KIF5B: variants seen among roughly 807,000 people sequenced by gnomAD.
The protein encoded by KIF5B is kinesin family member 5B.
In KIF5B, 49 loss-of-function variants were observed where a neutral mutation model predicts 132.8. The ratio of observed to expected loss-of-function variants is 0.37; its 90% CI spans 0.29 to 0.47. KIF5B has a LOEUF of 0.47. Ranked by LOEUF, KIF5B falls within the 20% of genes least tolerant of loss-of-function variation. The pLI is 1.00. For synonymous variants in KIF5B, 355 were observed against 369.4 expected, an observed-to-expected ratio of 0.96 and a Z score of 0.45; for missense variants, 780 against 1,144.0, an observed-to-expected ratio of 0.68 and a Z score of 4.59.
intron 14 of KIF5B, 95 bp downstream of exon 14, chr10:32,030,978 T>C: frequency 1.2e-6 from 1 of 837,488 alleles, no homozygotes; most frequent in Non-Finnish European, 1.8e-6. Context: ...GTTATCGATA[T>C]TTGACTTACA....
chr10:32,021,092 G>A lies in KIF5B; in HGVS notation c.2134C>T (p.His712Tyr). 3 of 1,613,674 alleles carry A rather than the reference G, an allele frequency of 1.9e-6. No individual in the cohort carries two copies. The highest frequency in any genetic ancestry group is 1.1e-5 in the South Asian group (1 of 91,058). ...CTCAAACTACTGATCTGTTTTTGAT[G>A]AGTTTCTCTATGGCTCTGGATCTGC... ...EQQIQSHRET[H>Y]QKQISSLRDE... Residue 712 changes from histidine to tyrosine, a missense_variant, in exon 19 of 26, where the codon CAT becomes TAT. His to Tyr is a moderately conservative substitution (Grantham distance 83). This residue lies in a region of KIF5B where 471 missense variants were observed against 569.9 expected (regional missense o/e 0.83). Coordinates refer to ENST00000302418, the MANE Select transcript of KIF5B (RefSeq NM_004521.3).
chr10:32,023,928 A>G (rs1841298013), intron 15 of KIF5B, among the ~76,000 whole-genome samples: 1 of 151,930 alleles, frequency 6.6e-6, no homozygotes, highest in Admixed American at 6.6e-5. Flanking sequence ...AATCTAGGTG[A>G]TATTGGGTTT....
chr10:32,042,801 G>T (rs1338182896), intron 2 of KIF5B, among the ~76,000 whole-genome samples: 1 of 152,138 alleles, frequency 6.6e-6, no homozygotes, highest in East Asian at 1.9e-4. Context: ...TCACGTTGTA[G>T]AAAGTCACTT....
rs1260238527 is a variant in KIF5B, at chr10:32,028,479, T to C, written c.1674A>G (p.Leu558=). The part of the protein sequence containing the change: ...KKRAAEMMAS[L]LKDLAEIGIA... Reference sequence around the variant, plus strand: ...TTCCTATTTCTGCAAGGTCTTTTAGTAAAGATGCCATCATCTCAGCTGCTC... The same window carrying C: ...TTCCTATTTCTGCAAGGTCTTTTAGCAAAGATGCCATCATCTCAGCTGCTC... Residue 558 remains leucine, a synonymous_variant, in exon 15 of 26, where the codon TTA becomes TTG. Coordinates refer to ENST00000302418, the MANE Select transcript of KIF5B (RefSeq NM_004521.3). 1.2e-6 allele frequency: 2 copies of C among 1,613,512 alleles called. No individual in the cohort carries two copies. Among genetic ancestry groups the C allele is most frequent in the East Asian group, 2.2e-5 (1 of 44,862 alleles).
At chr10:32,018,691 A>AT (rs753291278) in intron 20 of KIF5B, 129 bp from the exon 21 acceptor site, 33 of 685,586 alleles carry the variant, frequency 4.8e-5, no homozygotes, top group Non-Finnish European at 6.9e-5. Context: ...CAAGATGCCT[A>AT]TTTTAAACAA....
chr10:32,026,090 G>C (rs940534481), intron 15 of KIF5B, among the ~76,000 whole-genome samples: 1 of 152,130 alleles, frequency 6.6e-6, no homozygotes, highest in Admixed American at 6.5e-5. Context: ...AGAATACAAT[G>C]AGTACAACAA....
In KIF5B at chr10:32,056,046, T is replaced by G. The variant is rs1841758922; in HGVS notation, c.-73A>C. ...AGTCTTGCAGGGAACGCGCCGGACC[T>G]GAGGGCTTGTGGTCGCGAGGGCCGT... On this transcript the variant is annotated 5_prime_UTR_variant, in exon 1 of 26. Transcript: ENST00000302418. 6.4e-7 allele frequency: 1 copy of G among 1,562,630 alleles called. No individual in the cohort carries two copies. Among genetic ancestry groups the G allele is most frequent in the Non-Finnish European group, 8.6e-7 (1 of 1,157,078 alleles).
At chr10:32,021,729 T>A (rs1399299093) in intron 17 of KIF5B, among the ~76,000 whole-genome samples, 1 of 152,090 alleles carries the variant, frequency 6.6e-6, no homozygotes, top group African/African-American at 2.4e-5. Context: ...TCCCAGCACT[T>A]TGGGAGGCCA....
intron 21 of KIF5B, 54 bp downstream of exon 21, chr10:32,018,448 A>AG: frequency 1.3e-6 from 2 of 1,590,436 alleles, no homozygotes; most frequent in South Asian, 1.2e-5. Context: ...TAATCATGGT[A>AG]GAAAAAACCC....
At chr10:32,033,721 A>T (rs1276046168) in intron 12 of KIF5B, 124 bp downstream of exon 12, 1 of 594,314 alleles carries the variant, frequency 1.7e-6, no homozygotes, top group Non-Finnish European at 2.9e-6. Context: ...GATTAACAGA[A>T]ATCAAGGAAG....
At chr10:32,031,327 A>C in intron 13 of KIF5B, 48 bp from the exon 14 acceptor site, 1 of 1,421,964 alleles carries the variant, frequency 7.0e-7, no homozygotes, top group East Asian at 2.3e-5. Flanking sequence ...TACAGGTTTT[A>C]AAAAACACCC....
intron 1 of KIF5B, among the ~76,000 whole-genome samples, chr10:32,048,952 T>C (rs532756147): frequency 6.6e-6 from 1 of 152,322 alleles, no homozygotes; most frequent in Admixed American, 6.5e-5. Flanking sequence ...TACTGCAGCC[T>C]CAACCTCCTG....
At chr10:32,026,437 CAAAAAAAAAAAAA>C (rs71027049) in intron 15 of KIF5B, among the ~76,000 whole-genome samples, 2 of 48,920 alleles carry the variant, frequency 4.1e-5, no homozygotes, top group Non-Finnish European at 7.1e-5. Context: ...GATTCCGTCT[CAAAAAAAAAAAAA>C]AAAAAAAAAA....
chr10:32,026,361 C>A (rs1014104565), intron 15 of KIF5B, among the ~76,000 whole-genome samples: 10 of 137,214 alleles, frequency 7.3e-5, no homozygotes, highest in Admixed American at 4.9e-4. Flanking sequence ...TGGCATGAAC[C>A]CGGGAGGCGG....
At chr10:32,052,143 G>A (rs1592456390) in intron 1 of KIF5B, among the ~76,000 whole-genome samples, 1 of 152,168 alleles carries the variant, frequency 6.6e-6, no homozygotes, top group Non-Finnish European at 1.5e-5. Context: ...GACCAAATTT[G>A]GTTATGAAGG....
intron 15 of KIF5B, among the ~76,000 whole-genome samples, 189 bp downstream of exon 15, chr10:32,028,239 A>G (rs1206614981): frequency 6.6e-6 from 1 of 152,192 alleles, no homozygotes; most frequent in African/African-American, 2.4e-5. Context: ...TACTGAATTT[A>G]CCTATTTGGG....
Position 32,037,295 on chromosome 10 carries a change from T to C in KIF5B, c.670A>G (p.Ser224Gly). Residue 224 changes from serine to glycine, a missense_variant, in exon 8 of 26, where the codon AGT (serine) becomes GGT (glycine). Ser to Gly is a moderately conservative substitution (Grantham distance 56, BLOSUM62 0). Transcript: ENST00000302418. ...AAATCAACCAGATAAAGTTTTCCAC[T>C]CAGCTTTTGTTCCGTTTGTGTGTTC... ...QENTQTEQKL[S>G]GKLYLVDLAG... 1.2e-6 allele frequency: 2 copies of C among 1,613,954 alleles called. No individual in the cohort carries two copies. The highest frequency in any genetic ancestry group is 1.7e-6 in the Non-Finnish European group (2 of 1,179,904).
chr10:32,032,921 A>G (rs908770766), intron 12 of KIF5B, 147 bp from the exon 13 acceptor site: 1 of 646,308 alleles, frequency 1.5e-6, no homozygotes. Flanking sequence ...CTCTTTTAAG[A>G]AAATGGCAAA....
intron 1 of KIF5B, among the ~76,000 whole-genome samples, chr10:32,052,702 G>A (rs981104210): frequency 1.3e-5 from 2 of 151,846 alleles, no homozygotes; most frequent in African/African-American, 2.4e-5. Context: ...CTTGCTTTGC[G>A]GTAACAAGTT....
Sources: allele counts gnomAD v4.1 joint callset (sites outside exome capture counted in the v4.1 genomes callset), GRCh38; gene constraint gnomAD v4.1.1; regional missense constraint gnomAD v4.1.1; transcripts MANE v1.5; gene names NCBI Gene and HGNC (gene_info 2026-07-23, HGNC 2026-07-21).